PMEPA1: variants seen among roughly 807,000 people sequenced by gnomAD.
PMEPA1 encodes protein TMEPAI.
A neutral mutation model predicts 23.0 loss-of-function variants in PMEPA1; 11 were observed. That is an observed-to-expected ratio of 0.48 (90% confidence interval 0.30 to 0.79). The LOEUF is 0.79. Among genes scored for constraint, PMEPA1 ranks in the 30% least tolerant of loss-of-function variants. PMEPA1 has a pLI of 0.06. For synonymous variants in PMEPA1, 204 were observed against 166.4 expected, an observed-to-expected ratio of 1.23 and a Z score of -1.74; for missense variants, 377 against 390.9, an observed-to-expected ratio of 0.96 and a Z score of 0.30.
chr20:57,684,862 G>A (rs991447672), intron 1 of PMEPA1, among the ~76,000 whole-genome samples: 3 of 152,090 alleles, frequency 2.0e-5, no homozygotes, highest in Non-Finnish European at 4.4e-5. Context: ...AGCTGGGAGG[G>A]GGGGGTCTCT....
rs1456637046 is a variant in PMEPA1 at position 57,659,460 on chromosome 20, G to A, written c.264+83C>T. On this transcript the variant is annotated intron_variant, in intron 2 of 3. Coordinates refer to ENST00000341744, the MANE Select transcript of PMEPA1 (RefSeq NM_020182.5). ...CCTGAATCTGTTTCCTGCAAACGCT[G>A]CCATTGGATCCCGTCTGAGTTTTTA... The A allele has an allele frequency of 4.2e-6, 6 of 1,421,142 alleles. No individual in the cohort carries two copies. The African/African-American group carries it at 8.5e-5, about 20-fold the overall frequency. 88.0% of individuals were successfully genotyped at this position (1,421,142 alleles called of 1,614,324 possible).
At chr20:57,690,687 A>C in intron 1 of PMEPA1, 1 of 738,914 alleles carries the variant, frequency 1.4e-6, no homozygotes, top group Non-Finnish European at 1.9e-6. Context: ...CACTCGGTGC[A>C]GATGAAGATC....
chr20:57,703,185 A>G (rs1450213799), intron 1 of PMEPA1, among the ~76,000 whole-genome samples: 3 of 152,234 alleles, frequency 2.0e-5, no homozygotes, highest in Non-Finnish European at 2.9e-5. Flanking sequence ...GGCAGGAAGG[A>G]GTGCTTGGAG....
At position 57,652,142 on chromosome 20, in the gene PMEPA1, T is replaced by G; in HGVS notation, c.775A>C (p.Thr259Pro). 1 of 1,598,404 alleles carries G rather than the reference T, an allele frequency of 6.3e-7. No individual in the cohort carries two copies. The change falls in exon 4 of 4, where the codon ACC (threonine) becomes CCC (proline). Residue 259 changes from threonine to proline, a missense_variant. By Grantham distance (38) the Thr-to-Pro change is conservative. This residue lies in a region of PMEPA1 where 176 missense variants were observed against 173.0 expected (regional missense o/e 1.02). Transcript: ENST00000341744. This position sits in a 1 kb window ranked among gnomAD's most constrained non-coding sequence, Gnocchi z 6.1. The part of the protein sequence containing the change: ...SSGPPSLLEG[T>P]RLHHTHIAPL... ...GCGATGTGTGTGTGGTGGAGCCGGG[T>G]CCCCTCCAGCAAGGAGGGCGGCCCA...
At chr20:57,694,838 C>A (rs1031054895) in intron 1 of PMEPA1, among the ~76,000 whole-genome samples, 1 of 152,218 alleles carries the variant, frequency 6.6e-6, no homozygotes, top group African/African-American at 2.4e-5. Flanking sequence ...GGACTGCTTC[C>A]CAGCACTTCT....
upstream of PMEPA1, chr20:57,710,336 C>T: frequency 9.8e-7 from 1 of 1,023,240 alleles, no homozygotes. Flanking sequence ...TCCCCTCGCC[C>T]CCGTCCCTGG....
At chr20:57,695,097 T>C (rs2071928661) in intron 1 of PMEPA1, among the ~76,000 whole-genome samples, 2 of 152,260 alleles carry the variant, frequency 1.3e-5, no homozygotes, top group African/African-American at 4.8e-5. Context: ...GTCCACGCTG[T>C]CTGGGAGGAA....
At chr20:57,694,411 T>C (rs746070298) in intron 1 of PMEPA1, among the ~76,000 whole-genome samples, 14 of 152,248 alleles carry the variant, frequency 9.2e-5, no homozygotes, top group Non-Finnish European at 1.6e-4. Flanking sequence ...ATCGACAATG[T>C]GCTTGTTATA....
At chr20:57,665,574 G>T (rs1001987235) in intron 1 of PMEPA1, among the ~76,000 whole-genome samples, 6 of 151,648 alleles carry the variant, frequency 4.0e-5, no homozygotes, top group African/African-American at 1.5e-4. Context: ...GCTCAGAACG[G>T]GACAGAACGT....
At chr20:57,670,630 T>A (rs973259803) in intron 1 of PMEPA1, among the ~76,000 whole-genome samples, 4 of 152,198 alleles carry the variant, frequency 2.6e-5, no homozygotes, top group African/African-American at 9.6e-5. Flanking sequence ...CCCTGCCCTA[T>A]GGTCTGAGCC....
At position 57,652,173 on chromosome 20, in the gene PMEPA1, C is replaced by G; in HGVS notation, c.744G>C (p.Gln248His). The G allele has an allele frequency of 6.2e-7, 1 of 1,608,474 alleles. No homozygotes were observed. Among genetic ancestry groups the G allele is most frequent in the Non-Finnish European group, 8.5e-7 (1 of 1,177,956 alleles). Reference protein sequence around the residue: ...HYPGSSFQHQQSSGPPSLLEG... With the variant: ...HYPGSSFQHQHSSGPPSLLEG... ...CCAGCAAGGAGGGCGGCCCACTGCT[C>G]TGCTGGTGCTGGAAGGAGGACCCCG... Residue 248 changes from glutamine (Q) to histidine (H), a missense_variant, in exon 4 of 4, where the codon CAG (glutamine) becomes CAC (histidine). Transcript: ENST00000341744. The surrounding 1 kb of genome is among the most constrained non-coding windows in gnomAD (Gnocchi z 6.1).
At chr20:57,676,019 C>T (rs6070217) in intron 1 of PMEPA1, among the ~76,000 whole-genome samples, 3 of 152,384 alleles carry the variant, frequency 2.0e-5, no homozygotes, top group Non-Finnish European at 4.4e-5. Flanking sequence ...CACTTCCTTT[C>T]GAAGCAGCAT....
At chr20:57,667,135 G>A (rs1039555915) in intron 1 of PMEPA1, among the ~76,000 whole-genome samples, 4 of 152,166 alleles carry the variant, frequency 2.6e-5, no homozygotes, top group Non-Finnish European at 4.4e-5. Context: ...TCAAGGAGAC[G>A]ATGGTCAGGT....
intron 1 of PMEPA1, among the ~76,000 whole-genome samples, chr20:57,670,090 G>A (rs1467813112): frequency 2.0e-5 from 3 of 152,008 alleles, no homozygotes. Context: ...GGGGCAGGGA[G>A]GGGCACCTGA....
At chr20:57,708,298 G>A (rs368582426) in intron 1 of PMEPA1, among the ~76,000 whole-genome samples, 1 of 152,210 alleles carries the variant, frequency 6.6e-6, no homozygotes, top group South Asian at 2.1e-4. Context: ...TCTTCAGGGT[G>A]GGGATGGGGA....
rs1201528384 is a variant in PMEPA1 at position 57,656,344 on chromosome 20, T to C, written c.264+3199A>G. On this transcript the variant is annotated intron_variant, in intron 2 of 3. Transcript: ENST00000341744. This position sits in a 1 kb window ranked among gnomAD's most constrained non-coding sequence, Gnocchi z 4.7. ...CAGTCTTGTCCCTGCCCCTGGGAAA[T>C]GGGCCCTTGGTGGGCTGGGTTCTCT... 6.6e-6 allele frequency among the ~76,000 whole-genome samples: 1 copy of C among 151,428 alleles called. No homozygotes were observed. Among genetic ancestry groups the C allele is most frequent in the East Asian group, 2.0e-4 (1 of 4,992 alleles).
At chr20:57,696,358 C>T (rs2071943115) in intron 1 of PMEPA1, among the ~76,000 whole-genome samples, 1 of 152,184 alleles carries the variant, frequency 6.6e-6, no homozygotes, top group Admixed American at 6.5e-5. Context: ...TAGAACTTTC[C>T]CCTTCAACCA....
chr20:57,682,718 G>T lies in PMEPA1; in HGVS notation c.110-23021C>A, dbSNP rs1436340309. Among the ~76,000 whole-genome samples, 1 of 152,216 alleles carries T rather than the reference G, an allele frequency of 6.6e-6. No homozygotes were observed. Among genetic ancestry groups the T allele is most frequent in the African/African-American group, 2.4e-5 (1 of 41,454 alleles). On this transcript the variant is annotated intron_variant, in intron 1 of 3. Coordinates refer to ENST00000341744, the MANE Select transcript of PMEPA1 (RefSeq NM_020182.5). This position sits in a 1 kb window ranked among gnomAD's most constrained non-coding sequence, Gnocchi z 4.4. ...CAAGTCTGTGTCCCCATCGCCAGCAGAAACCAACTCCTCCTGGAGGAAGGA... is the reference window on the plus strand; with the variant it reads ...CAAGTCTGTGTCCCCATCGCCAGCATAAACCAACTCCTCCTGGAGGAAGGA...
intron 1 of PMEPA1, among the ~76,000 whole-genome samples, chr20:57,693,710 T>A (rs2071911838): frequency 6.6e-6 from 1 of 151,552 alleles, no homozygotes; most frequent in Admixed American, 6.6e-5. Context: ...TTAAGGAGAT[T>A]TTTTTTTTCC....
Sources: gnomAD v4.1 joint callset for allele counts (sites outside exome capture counted in the v4.1 genomes callset) on GRCh38, gnomAD v4.1.1 for gene constraint, gnomAD v4.1.1 regional missense constraint, Gnocchi (gnomAD v3.1) non-coding constraint, MANE v1.5 for transcripts, NCBI Gene and HGNC (gene_info 2026-07-23, HGNC 2026-07-21) for gene names.